The following RALGPS2 variants were observed in gnomAD, a reference collection of about 807,000 sequenced individuals.
RALGPS2 encodes ras-specific guanine nucleotide-releasing factor RalGPS2.
A neutral mutation model predicts 86.8 loss-of-function variants in RALGPS2; 43 were observed. The observed-to-expected ratio is 0.50, with a 90% CI of 0.39 to 0.64. The LOEUF is 0.64. Ranked by LOEUF, RALGPS2 falls within the 30% of genes least tolerant of loss-of-function variation. The pLI is 0.00. For synonymous variants in RALGPS2, 243 were observed against 231.3 expected (o/e 1.05, Z -0.46); for missense variants, 536 against 694.6 (o/e 0.77, Z 2.57).
chr1:178,836,001 T>C (rs933250048), intron 8 of RALGPS2, among the ~76,000 whole-genome samples: 2 of 152,240 alleles, frequency 1.3e-5, no homozygotes, highest in Non-Finnish European at 2.9e-5. Context: ...ATCCTTATGC[T>C]GTGATTTCTA....
intron 1 of RALGPS2, among the ~76,000 whole-genome samples, chr1:178,739,214 AT>A (rs1572271556): frequency 6.6e-6 from 1 of 152,324 alleles, no homozygotes; most frequent in East Asian, 1.9e-4. Flanking sequence ...AGGATATCTT[AT>A]GGATAAGAAA....
chr1:178,769,339 C>T (rs1416738311), intron 1 of RALGPS2, among the ~76,000 whole-genome samples: 1 of 151,892 alleles, frequency 6.6e-6, no homozygotes. Flanking sequence ...AGCAGGTGCT[C>T]CAAATGCTTG....
chr1:178,838,269 C>T (rs1011178171), intron 8 of RALGPS2, among the ~76,000 whole-genome samples: 4 of 152,302 alleles, frequency 2.6e-5, no homozygotes, highest in Non-Finnish European at 5.9e-5. Flanking sequence ...CTGGGAGACA[C>T]CCCCCAGTAG....
At chr1:178,857,780 T>A (rs1657693066) in intron 8 of RALGPS2, among the ~76,000 whole-genome samples, 1 of 152,196 alleles carries the variant, frequency 6.6e-6, no homozygotes, top group Admixed American at 6.5e-5. Context: ...AAGGTTGGAC[T>A]TTTATTAGGT....
At chr1:178,914,452 C>T (rs1660735609) in intron 19 of RALGPS2, among the ~76,000 whole-genome samples, 1 of 152,110 alleles carries the variant, frequency 6.6e-6, no homozygotes, top group South Asian at 2.1e-4. Context: ...TGAGTCCCAG[C>T]ACTCCACAGC....
At chr1:178,911,366 CTCTT>C (rs1406308725) in intron 19 of RALGPS2, among the ~76,000 whole-genome samples, 1 of 151,978 alleles carries the variant, frequency 6.6e-6, no homozygotes, top group Admixed American at 6.6e-5. Context: ...TTAATTTGAG[CTCTT>C]TCTAACTTCT....
intron 4 of RALGPS2, among the ~76,000 whole-genome samples, chr1:178,802,900 A>G (rs1228350199): frequency 6.6e-6 from 1 of 152,164 alleles, no homozygotes; most frequent in African/African-American, 2.4e-5. Context: ...CGATACTCCA[A>G]GCCATGTGGT....
At chr1:178,787,696 C>A (rs545435449) in intron 4 of RALGPS2, among the ~76,000 whole-genome samples, 1 of 152,212 alleles carries the variant, frequency 6.6e-6, no homozygotes, top group Admixed American at 6.5e-5. Flanking sequence ...CCTTAAAATT[C>A]CCTTGACCTT....
chr1:178,789,114 C>T (rs1052221225), intron 4 of RALGPS2, among the ~76,000 whole-genome samples: 1 of 152,092 alleles, frequency 6.6e-6, no homozygotes, highest in African/African-American at 2.4e-5. Flanking sequence ...ACTATGTTGG[C>T]CAGGCTTGTC....
intron 4 of RALGPS2, among the ~76,000 whole-genome samples, chr1:178,791,770 C>T (rs1653967237): frequency 6.6e-6 from 1 of 152,134 alleles, no homozygotes; most frequent in Non-Finnish European, 1.5e-5. Flanking sequence ...TACCTAAACT[C>T]GTTCTTGACT....
intron 19 of RALGPS2, among the ~76,000 whole-genome samples, chr1:178,913,754 A>G (rs1053211514): frequency 6.6e-6 from 1 of 152,158 alleles, no homozygotes; most frequent in Non-Finnish European, 1.5e-5. Context: ...ACCAAGGTTC[A>G]GCTTGGCACT....
intron 7 of RALGPS2, among the ~76,000 whole-genome samples, chr1:178,824,396 G>T (rs1305069715): frequency 6.6e-6 from 1 of 152,072 alleles, no homozygotes; most frequent in Admixed American, 6.5e-5. Flanking sequence ...TTTTATGTTG[G>T]TGGCAATAAT....
chr1:178,756,449 A>G (rs1328063625), intron 1 of RALGPS2, among the ~76,000 whole-genome samples: 1 of 152,086 alleles, frequency 6.6e-6, no homozygotes, highest in East Asian at 1.9e-4. Context: ...TTAACTTTAT[A>G]CAAGATCAGA....
At chr1:178,916,204 T>C in intron 19 of RALGPS2, 126 bp from the exon 20 acceptor site, 1 of 713,516 alleles carries the variant, frequency 1.4e-6, no homozygotes, top group Non-Finnish European at 2.3e-6. Flanking sequence ...AAGCTCCTTA[T>C]ATCAAGTTCC....
chr1:178,800,680 A>G (rs1373668541), intron 4 of RALGPS2, among the ~76,000 whole-genome samples: 1 of 152,160 alleles, frequency 6.6e-6, no homozygotes, highest in East Asian at 1.9e-4. Flanking sequence ...GGGGGAGTCA[A>G]AGGTTATATG....
chr1:178,808,896 G>A (rs796067619), intron 5 of RALGPS2, among the ~76,000 whole-genome samples: 9 of 151,680 alleles, frequency 5.9e-5, no homozygotes, highest in African/African-American at 2.2e-4. Context: ...TTAGAGACAG[G>A]GTCTCTGTCA....
intron 1 of RALGPS2, among the ~76,000 whole-genome samples, chr1:178,776,087 A>G (rs1024395304): frequency 5.3e-5 from 8 of 152,198 alleles, no homozygotes; most frequent in South Asian, 2.1e-4. Flanking sequence ...GAGGATGTGT[A>G]TAGGTGATAT....
chr1:178,744,005 T>C (rs993955255), intron 1 of RALGPS2, among the ~76,000 whole-genome samples: 1 of 152,216 alleles, frequency 6.6e-6, no homozygotes, highest in African/African-American at 2.4e-5. Context: ...TCCTCACTTA[T>C]TTTGTGAGCT....
intron 7 of RALGPS2, among the ~76,000 whole-genome samples, chr1:178,831,575 T>C (rs1656018654): frequency 6.6e-6 from 1 of 152,104 alleles, no homozygotes; most frequent in African/African-American, 2.4e-5. Context: ...GTCATGCTCT[T>C]GGTGCCAAGG....
Sources: gnomAD v4.1 joint callset for allele counts (sites outside exome capture counted in the v4.1 genomes callset) on GRCh38, gnomAD v4.1.1 for gene constraint, MANE v1.5 for transcripts, NCBI Gene and HGNC (gene_info 2026-07-23, HGNC 2026-07-21) for gene names.